The following GPR108 variants were observed in gnomAD, a reference collection of about 807,000 sequenced individuals.
The protein encoded by GPR108 is protein GPR108.
GPR108 carries 60 observed loss-of-function variants against 74.3 expected under a neutral mutation model. The ratio of observed to expected loss-of-function variants is 0.81; its 90% CI spans 0.66 to 1.00. The LOEUF (loss-of-function observed/expected upper bound fraction) is 1.00. Ranked by LOEUF, GPR108 falls within the 50% of genes least tolerant of loss-of-function variation. The pLI is 0.00. For synonymous variants in GPR108, 311 were observed against 292.4 expected (o/e 1.06, Z -0.65); for missense variants, 667 against 703.3 (o/e 0.95, Z 0.58).
At chr19:6,731,172 C>G in intron 16 of GPR108, 27 bp downstream of exon 16, 1 of 1,606,152 alleles carries the variant, frequency 6.2e-7, no homozygotes, top group Non-Finnish European at 8.5e-7. Flanking sequence ...TGGCCGCCCT[C>G]CCGTCCCACC....
rs1272115760 is a variant in GPR108 at position 6,732,996 on chromosome 19, G to C, written c.924C>G (p.Leu308=). The part of the protein sequence containing the change: ...ALAFTKSISL[L]FHSINYYFIN... Reference sequence around the variant, plus strand: ...GGTCCAAGGCTCTCACGCTGTGGAAGAGGAGAGAGATGCTCTTGGTGAAGG... The same window carrying C: ...GGTCCAAGGCTCTCACGCTGTGGAACAGGAGAGAGATGCTCTTGGTGAAGG... Residue 308 remains leucine (L), a synonymous_variant, in exon 10 of 18, where the codon CTC becomes CTG. Coordinates refer to ENST00000264080, the MANE Select transcript of GPR108 (RefSeq NM_001080452.2). The C allele has an allele frequency of 1.9e-6, 3 of 1,600,624 alleles. No individual in the cohort carries two copies. The highest frequency in any genetic ancestry group is 2.2e-5 in the South Asian group (2 of 89,430).
Position 6,733,762 on chromosome 19 carries a change from G to A in GPR108, c.618+83C>T, listed in dbSNP as rs1295004418. The A allele has an allele frequency of 9.5e-6, 15 of 1,579,386 alleles. No homozygotes were observed. In the African/African-American group the frequency reaches 1.1e-4, roughly 11 times the overall value. ...GCTTGGGGGTCCCATGGTCTGGGGC[G>A]ATGGTAGGGCTGCAGGAGGGCTCAG... is the stretch of plus-strand genomic sequence containing the variant. On this transcript the variant is annotated intron_variant, in intron 7 of 17. Coordinates refer to ENST00000264080, the MANE Select transcript of GPR108 (RefSeq NM_001080452.2).
chr19:6,730,139 G>C lies in GPR108; in HGVS notation c.*173C>G, dbSNP rs550141749. The C allele has an allele frequency of 2.2e-5, 14 of 638,964 alleles. No individual in the cohort carries two copies. The East Asian group carries it at 2.5e-4, about 11-fold the overall frequency. The allele number at this position is 638,964 out of a possible 1,614,324, so 39.6% of individuals were successfully genotyped here. A position where few individuals can be genotyped will look rare whatever the true frequency, so the allele number is the denominator to read the frequency against. ...TAAGGACAGGGCTGCCCAATATTTGGGGGGAGGAAGGGACTCTTCTTCCAA... is the reference window on the plus strand; with the variant it reads ...TAAGGACAGGGCTGCCCAATATTTGCGGGGAGGAAGGGACTCTTCTTCCAA... On this transcript the variant is annotated 3_prime_UTR_variant, in exon 18 of 18. Transcript: ENST00000264080.
At chr19:6,731,622 G>A (rs1334628734) in intron 14 of GPR108, 100 bp from the exon 15 acceptor site, 24 of 1,020,596 alleles carry the variant, frequency 2.4e-5, no homozygotes, top group Non-Finnish European at 3.2e-5. Flanking sequence ...ACATCTGAGG[G>A]AGTGTCCAGG....
intron 8 of GPR108, 23 bp from the exon 9 acceptor site, chr19:6,733,324 C>T (rs766737783): frequency 5.6e-6 from 9 of 1,608,010 alleles, no homozygotes; most frequent in South Asian, 4.4e-5. Context: ...CAGTGGTGGG[C>T]GGCGGCAGGG....
intron 6 of GPR108, 46 bp from the exon 7 acceptor site, chr19:6,733,959 G>A: frequency 6.2e-7 from 1 of 1,614,188 alleles, no homozygotes; most frequent in Non-Finnish European, 8.5e-7. Flanking sequence ...GGTCCCCGCA[G>A]GGCCCTGGGG....
rs1419049102 is a variant in GPR108 at position 6,737,560 on chromosome 19, C to T, written c.17G>A (p.Arg6Lys). Residue 6 changes from arginine to lysine, a missense_variant, in exon 1 of 18, where the codon AGG becomes AAG. Physicochemically the swap from Arg to Lys is conservative, Grantham distance 26. Coordinates refer to ENST00000264080, the MANE Select transcript of GPR108 (RefSeq NM_001080452.2). Reference sequence around the variant, plus strand: ...GGGGCTCCCGCGGCCGAGCCCCCTCCTCTCGCTCACTGCCATCTCTGGAGC... The same window carrying T: ...GGGGCTCCCGCGGCCGAGCCCCCTCTTCTCGCTCACTGCCATCTCTGGAGC... The part of the protein sequence containing the change: MAVSE[R>K]RGLGRGSPAE... 54 of 1,517,792 alleles carry T rather than the reference C, an allele frequency of 3.6e-5. No individual in the cohort carries two copies. Among genetic ancestry groups the T allele is most frequent in the Non-Finnish European group, 4.7e-5 (53 of 1,139,480 alleles). The allele number at this position is 1,517,792 out of a possible 1,614,324, so 94.0% of individuals were successfully genotyped here.
At chr19:6,737,381 G>A (rs964751479) in intron 1 of GPR108, 76 bp downstream of exon 1, 17 of 1,495,596 alleles carry the variant, frequency 1.1e-5, no homozygotes, top group Middle Eastern at 2.2e-4. Flanking sequence ...GGGCGGACGA[G>A]ACCACTCCAA....
intron 17 of GPR108, 130 bp downstream of exon 17, chr19:6,730,857 A>C: frequency 3.9e-6 from 4 of 1,033,072 alleles, no homozygotes; most frequent in Admixed American, 2.3e-5. Context: ...CCTTCTCAAC[A>C]GCAGGCTCTG....
chr19:6,732,556 GTGGA>G lies in GPR108; in HGVS notation c.934-11_934-8del, dbSNP rs1158060705. 1 of 1,612,636 alleles carries G rather than the reference GTGGA, an allele frequency of 6.2e-7. No homozygotes were observed. The highest frequency in any genetic ancestry group is 2.2e-5 in the East Asian group (1 of 44,866). On this transcript the variant is annotated splice_polypyrimidine_tract_variant and splice_region_variant and intron_variant, in intron 10 of 17. Coordinates refer to ENST00000264080, the MANE Select transcript of GPR108 (RefSeq NM_001080452.2). ...TGATGAAGTAGTAGTTGATCTGGGG[GTGGA>G]TGGACAGACGGACAGTGAGGCGCAC... is the stretch of plus-strand genomic sequence containing the variant.
At chr19:6,736,428 C>T (rs1044835669) in intron 2 of GPR108, among the ~76,000 whole-genome samples, 164 bp downstream of exon 2, 2 of 152,184 alleles carry the variant, frequency 1.3e-5, no homozygotes, top group African/African-American at 4.8e-5. Context: ...AAGTGCCTAG[C>T]ACATCCTGTG....
At position 6,733,300 on chromosome 19, in the gene GPR108, A is replaced by G. The variant is rs1389644648; in HGVS notation, c.725T>C (p.Val242Ala). Residue 242 changes from valine to alanine, a missense_variant and splice_region_variant, in exon 9 of 18, where the codon GTG becomes GCG. Transcript: ENST00000264080. The stretch of plus-strand genomic sequence containing the variant: ...ATCGGGGTTCTTCTCCCGGATCATC[A>G]CCTGCGGAGGGGGCAGTGGTGGGCG... ...PGKEHPFDIT[V>A]MIREKNPDGF... 1.6e-5 allele frequency: 26 copies of G among 1,613,146 alleles called. No individual in the cohort carries two copies. The highest frequency in any genetic ancestry group is 2.0e-5 in the Non-Finnish European group (24 of 1,179,718).
chr19:6,736,747 C>G (rs1216658546), intron 1 of GPR108, 36 bp from the exon 2 acceptor site: 1 of 1,613,250 alleles, frequency 6.2e-7, no homozygotes, highest in Non-Finnish European at 8.5e-7. Flanking sequence ...CAGTTCAGAC[C>G]TCTTTCCGCC....
At chr19:6,734,929 G>A (rs1164627221) in intron 4 of GPR108, among the ~76,000 whole-genome samples, 1 of 151,314 alleles carries the variant, frequency 6.6e-6, no homozygotes, top group Non-Finnish European at 1.5e-5. Context: ...CGTCCAGGCT[G>A]GAGTGCAGCA....
intron 13 of GPR108, 36 bp from the exon 14 acceptor site, chr19:6,731,970 C>T (rs576920512): frequency 9.2e-5 from 149 of 1,613,256 alleles, no homozygotes; most frequent in East Asian, 5.4e-4. Context: ...ACGGTCAGCG[C>T]GGACATCGCC....
At position 6,732,986 on chromosome 19, in the gene GPR108, C is replaced by T. The variant is rs979742052; in HGVS notation, c.933+1G>A. 1.1e-5 allele frequency: 17 copies of T among 1,589,960 alleles called. No homozygotes were observed. Among genetic ancestry groups the T allele is most frequent in the Non-Finnish European group, 1.5e-5 (17 of 1,168,844 alleles). The stretch of plus-strand genomic sequence containing the variant: ...GCTGCTCCCCGGTCCAAGGCTCTCA[C>T]GCTGTGGAAGAGGAGAGAGATGCTC... On this transcript the variant is annotated splice_donor_variant, in intron 10 of 17. Coordinates refer to ENST00000264080, the MANE Select transcript of GPR108 (RefSeq NM_001080452.2). LOFTEE classifies it high-confidence loss of function.
intron 2 of GPR108, among the ~76,000 whole-genome samples, chr19:6,736,256 G>A (rs147708338): frequency 5.2e-4 from 79 of 152,170 alleles, no homozygotes; most frequent in African/African-American, 1.9e-3. Context: ...CACCACGCCC[G>A]GCTAATTTTA....
At chr19:6,735,557 G>A (rs560179502) in intron 4 of GPR108, 65 bp downstream of exon 4, 21 of 1,369,890 alleles carry the variant, frequency 1.5e-5, no homozygotes, top group South Asian at 2.3e-5. Flanking sequence ...GCCCAGGTGC[G>A]TGTGGGCATC....
At chr19:6,732,677 G>A (rs1968467150) in intron 10 of GPR108, 128 bp from the exon 11 acceptor site, 3 of 764,182 alleles carry the variant, frequency 3.9e-6, no homozygotes, top group African/African-American at 1.7e-5. Flanking sequence ...TAATGAGGAC[G>A]GTGGGTGGGA....
Sources: gnomAD v4.1 joint callset for allele counts (sites outside exome capture counted in the v4.1 genomes callset) on GRCh38, gnomAD v4.1.1 for gene constraint, MANE v1.5 for transcripts, NCBI Gene and HGNC (gene_info 2026-07-23, HGNC 2026-07-21) for gene names.